The following ALK variants were observed in gnomAD, a reference collection of about 807,000 sequenced individuals.
The protein encoded by ALK is ALK receptor tyrosine kinase, also known as ALK tyrosine kinase receptor.
Under a neutral mutation model 163.1 loss-of-function variants are expected in ALK, and 74 were observed. That is an observed-to-expected ratio of 0.45 (90% CI 0.38 to 0.55). ALK has a LOEUF of 0.55. ALK is among the 20% of genes least tolerant of loss of function. The probability of loss-of-function intolerance (pLI) is 0.00; values close to 1 mark genes in which losing one functional copy is unlikely to be tolerated. For missense variants in ALK, 2,063 were observed against 2,105.3 expected (o/e 0.98, Z 0.39); for synonymous variants, 960 against 843.2 (o/e 1.14, Z -2.40).
chr2:29,555,186 G>T (rs924158529), intron 3 of ALK, among the ~76,000 whole-genome samples: 3 of 151,998 alleles, frequency 2.0e-5, no homozygotes, highest in African/African-American at 7.3e-5. Flanking sequence ...CCTCTCTTGG[G>T]TTCTGCATGG....
chr2:29,303,889 G>A (rs907294052), intron 8 of ALK, among the ~76,000 whole-genome samples: 16 of 152,214 alleles, frequency 1.1e-4, no homozygotes, highest in African/African-American at 3.9e-4. Context: ...TAAAAGGTGG[G>A]AGAGTAGGGG....
chr2:29,697,373 G>A (rs1458129010), intron 2 of ALK, among the ~76,000 whole-genome samples: 4 of 152,280 alleles, frequency 2.6e-5, no homozygotes, highest in African/African-American at 9.6e-5. Flanking sequence ...AAGGGCCCAT[G>A]CCCTGGGATG....
At chr2:29,445,530 G>A (rs1336393406) in intron 4 of ALK, among the ~76,000 whole-genome samples, 1 of 152,200 alleles carries the variant, frequency 6.6e-6, no homozygotes. Context: ...TAGTAAATAA[G>A]GGCTGGGCAT....
Position 29,702,315 on chromosome 2 carries a change from C to A in ALK, c.788-7301G>T, listed in dbSNP as rs577091283. On this transcript the variant is annotated intron_variant, in intron 2 of 28. Coordinates refer to ENST00000389048, the MANE Select transcript of ALK (RefSeq NM_004304.5). ...CCACACTTCATACTACAACAATGTA[C>A]AAGCTCTACAAGTGAGGCAGGAAAG... 2.0e-5 allele frequency among the ~76,000 whole-genome samples: 3 copies of A among 152,200 alleles called. No homozygotes were observed. In the South Asian group the frequency reaches 6.2e-4, roughly 32 times the overall value.
At chr2:29,548,861 G>A (rs7580098) in intron 3 of ALK, among the ~76,000 whole-genome samples, 1 of 152,014 alleles carries the variant, frequency 6.6e-6, no homozygotes, top group Non-Finnish European at 1.5e-5. Flanking sequence ...ACATTATGAC[G>A]AGTGGCTACA....
chr2:29,544,313 C>T (rs184600178), intron 3 of ALK, among the ~76,000 whole-genome samples: 12 of 152,238 alleles, frequency 7.9e-5, no homozygotes, highest in East Asian at 3.9e-4. Context: ...GCTCTGTGGG[C>T]GAATGAGTCT....
In ALK at chr2:29,694,704, G is replaced by C. The variant is rs1183299201; in HGVS notation, c.952+146C>G. 5.6e-6 allele frequency: 6 copies of C among 1,067,544 alleles called. No homozygotes were observed. The East Asian group carries it at 1.5e-4, about 26-fold the overall frequency. 66.1% of individuals were successfully genotyped at this position (1,067,544 alleles called of 1,614,324 possible). On this transcript the variant is annotated intron_variant, in intron 3 of 28. Transcript: ENST00000389048. The stretch of plus-strand genomic sequence containing the variant: ...TTCCTCCCCTCCTTGCATGGCCCAA[G>C]AAGCCATGGAAAGTCACAGATATTA...
At chr2:29,710,492 C>CTGTATGCGTG (rs1368079922) in intron 2 of ALK, among the ~76,000 whole-genome samples, 4 of 102,218 alleles carry the variant, frequency 3.9e-5, no homozygotes, top group African/African-American at 1.6e-4. Flanking sequence ...CAACCTCAGT[C>CTGTATGCGTG]TGTGTGCGTG....
intron 1 of ALK, among the ~76,000 whole-genome samples, chr2:29,849,848 G>C (rs999252484): frequency 6.6e-6 from 1 of 152,052 alleles, no homozygotes; most frequent in Non-Finnish European, 1.5e-5. Context: ...GTGGCTCTCT[G>C]GTAGTGCCCT....
Position 29,504,972 on chromosome 2 carries a change from G to A in ALK, c.1154+26943C>T, listed in dbSNP as rs564921066. ...GTGAGTCCAGGGTGACTGTGACAGT[G>A]AGCAAGCAAGGATGAGGGCTGGAGG... On this transcript the variant is annotated intron_variant, in intron 4 of 28. Coordinates refer to ENST00000389048, the MANE Select transcript of ALK (RefSeq NM_004304.5). 3.9e-5 allele frequency among the ~76,000 whole-genome samples: 6 copies of A among 152,306 alleles called. No homozygotes were observed. The East Asian group carries it at 1.2e-3, about 29-fold the overall frequency.
At chr2:29,700,340 T>A (rs1016853271) in intron 2 of ALK, among the ~76,000 whole-genome samples, 4 of 151,878 alleles carry the variant, frequency 2.6e-5, no homozygotes, top group Non-Finnish European at 4.4e-5. Context: ...AGGTCGGGAG[T>A]TGGAGATCAG....
At chr2:29,253,883 GATA>G (rs1558639934) in intron 11 of ALK, among the ~76,000 whole-genome samples, 132 of 148,422 alleles carry the variant, frequency 8.9e-4, no homozygotes, top group African/African-American at 3.2e-3. Flanking sequence ...TAGATAGATA[GATA>G]GATAGATAGG....
intron 1 of ALK, among the ~76,000 whole-genome samples, chr2:29,823,726 A>T (rs1024506370): frequency 6.6e-6 from 1 of 152,134 alleles, no homozygotes; most frequent in African/African-American, 2.4e-5. Context: ...TCAAAAGGTG[A>T]CTCTGGTGCT....
chr2:29,765,113 A>G (rs1680822241), intron 1 of ALK, among the ~76,000 whole-genome samples: 1 of 152,174 alleles, frequency 6.6e-6, no homozygotes, highest in Admixed American at 6.5e-5. Flanking sequence ...AGCAGAAGCC[A>G]ATATGCTTCT....
At chr2:29,440,457 C>G (rs537196680) in intron 4 of ALK, among the ~76,000 whole-genome samples, 4 of 151,736 alleles carry the variant, frequency 2.6e-5, no homozygotes, top group Non-Finnish European at 4.4e-5. Flanking sequence ...GCTGGGATTA[C>G]AGGCATCTGC....
intron 8 of ALK, among the ~76,000 whole-genome samples, chr2:29,316,381 A>G (rs1174764060): frequency 6.6e-6 from 1 of 152,162 alleles, no homozygotes; most frequent in Non-Finnish European, 1.5e-5. Context: ...GTTCTGGAAA[A>G]GGGCAGGGAA....
At chr2:29,513,850 G>A (rs1474107672) in intron 4 of ALK, among the ~76,000 whole-genome samples, 39 of 138,774 alleles carry the variant, frequency 2.8e-4, no homozygotes, top group Non-Finnish European at 5.6e-4. Context: ...GAAATGAACA[G>A]ACACTTCTCA....
At chr2:29,304,069 C>T (rs1204757695) in intron 8 of ALK, among the ~76,000 whole-genome samples, 1 of 152,188 alleles carries the variant, frequency 6.6e-6, no homozygotes, top group African/African-American at 2.4e-5. Context: ...TATGTCTGTC[C>T]CTTGGCCTAC....
rs778543123 is a variant in ALK, at chr2:29,228,933, T to G, written c.2766A>C (p.Gly922=). ...CTGAGGAGCACCCCCCTCCACCCCC[T>G]CCGAAACCCCCTCTTGTCTCCCACC... ...KWGWETRGGF[G]GGGGGCSSGG... The change falls in exon 16 of 29, where the codon GGA becomes GGC. Residue 922 remains glycine, a synonymous_variant. Coordinates refer to ENST00000389048, the MANE Select transcript of ALK (RefSeq NM_004304.5). 8.1e-5 allele frequency: 41 copies of G among 507,628 alleles called. No homozygotes were observed. The highest frequency in any genetic ancestry group is 1.2e-4 in the Non-Finnish European group (37 of 320,524). The allele number at this position is 507,628 out of a possible 1,614,324, so 31.4% of individuals were successfully genotyped here.
Sources: allele counts gnomAD v4.1 joint callset (sites outside exome capture counted in the v4.1 genomes callset), GRCh38; gene constraint gnomAD v4.1.1; transcripts MANE v1.5; gene names NCBI Gene and HGNC (gene_info 2026-07-23, HGNC 2026-07-21).